The following NWD2 variants were observed in gnomAD, a reference collection of about 807,000 sequenced individuals.
NWD2 encodes NACHT and WD repeat domain containing 2.
A neutral mutation model predicts 132.7 loss-of-function variants in NWD2; 37 were observed. That is an observed-to-expected ratio of 0.28 (90% CI 0.21 to 0.37). The LOEUF is 0.37. NWD2 is among the 10% of genes least tolerant of loss of function. The probability of loss-of-function intolerance (pLI) is 1.00; values close to 1 mark genes in which losing one functional copy is unlikely to be tolerated. For synonymous variants in NWD2, 705 were observed against 803.0 expected (o/e 0.88, Z 2.06); for missense variants, 1,592 against 2,122.4 (o/e 0.75, Z 4.91).
chr4:37,264,044 G>A (rs1560379989), intron 1 of NWD2, among the ~76,000 whole-genome samples: 2 of 152,170 alleles, frequency 1.3e-5, no homozygotes, highest in Non-Finnish European at 2.9e-5. Context: ...AAGGTAGTTA[G>A]TAGCTGCTCC....
At chr4:37,419,867 G>T (rs1159423843) in intron 3 of NWD2, among the ~76,000 whole-genome samples, 1 of 152,090 alleles carries the variant, frequency 6.6e-6, no homozygotes, top group African/African-American at 2.4e-5. Context: ...AAAAATTGTT[G>T]AACTTCTTTG....
At chr4:37,417,248 G>A (rs577872232) in intron 3 of NWD2, among the ~76,000 whole-genome samples, 1 of 152,098 alleles carries the variant, frequency 6.6e-6, no homozygotes, top group South Asian at 2.1e-4. Flanking sequence ...ATATTCATCA[G>A]GAAAGAAATT....
intron 2 of NWD2, among the ~76,000 whole-genome samples, chr4:37,338,742 C>G (rs1719461565): frequency 6.6e-6 from 1 of 152,222 alleles, no homozygotes; most frequent in African/African-American, 2.4e-5. Flanking sequence ...TAACACCTTT[C>G]TTCCACCGTT....
intron 2 of NWD2, among the ~76,000 whole-genome samples, chr4:37,354,218 T>G (rs1029475031): frequency 6.6e-6 from 1 of 152,150 alleles, no homozygotes; most frequent in Non-Finnish European, 1.5e-5. Context: ...CTCTGGAAGC[T>G]TCATCCCAGA....
chr4:37,411,027 C>G (rs1167496758), intron 3 of NWD2, among the ~76,000 whole-genome samples: 9 of 152,020 alleles, frequency 5.9e-5, no homozygotes, highest in African/African-American at 1.7e-4. Context: ...CACTAAATGC[C>G]CACAAGAGAG....
intron 1 of NWD2, among the ~76,000 whole-genome samples, chr4:37,246,191 G>C (rs916899061): frequency 6.6e-6 from 1 of 152,200 alleles, no homozygotes; most frequent in Non-Finnish European, 1.5e-5. Context: ...AACAAGCCTT[G>C]AGTCGAAAAG....
intron 2 of NWD2, among the ~76,000 whole-genome samples, chr4:37,333,750 A>G (rs1719340647): frequency 6.6e-6 from 1 of 152,194 alleles, no homozygotes; most frequent in Non-Finnish European, 1.5e-5. Context: ...ACCAATCCTG[A>G]CAGGGATATT....
Position 37,259,371 on chromosome 4 carries a change from A to G in NWD2, c.151+14153A>G, listed in dbSNP as rs572793070. Among the ~76,000 whole-genome samples the G allele has an allele frequency of 2.0e-5, 3 of 152,332 alleles. No homozygotes were observed. The South Asian group carries it at 6.2e-4, about 32-fold the overall frequency. ...GACTTAAACTGCCTTATAAGCCAAT[A>G]TTGTGGTACAGTATTATTAGCATTT... On this transcript the variant is annotated intron_variant, in intron 1 of 6. Coordinates refer to ENST00000309447, the MANE Select transcript of NWD2 (RefSeq NM_001144990.2).
chr4:37,319,699 A>G (rs1472781032), intron 1 of NWD2, among the ~76,000 whole-genome samples: 1 of 152,216 alleles, frequency 6.6e-6, no homozygotes, highest in African/African-American at 2.4e-5. Context: ...ATGGCTAGAT[A>G]GCTATCCCAG....
intron 2 of NWD2, among the ~76,000 whole-genome samples, chr4:37,344,531 A>G (rs1719591820): frequency 6.6e-6 from 1 of 152,176 alleles, no homozygotes; most frequent in Non-Finnish European, 1.5e-5. Context: ...AACTATTACA[A>G]AAGACTTCCA....
At position 37,244,743 on chromosome 4, in the gene NWD2, A is replaced by C; in HGVS notation, c.-325A>C. The C allele has an allele frequency of 7.9e-6, 2 of 254,282 alleles. No individual in the cohort carries two copies. The highest frequency in any genetic ancestry group is 9.8e-5 in the South Asian group (1 of 10,218). The allele number at this position is 254,282 out of a possible 1,614,324, so 15.8% of individuals were successfully genotyped here. ...GATGGCCGCCGGCGCTTCCCGGCGC[A>C]AACGGGCGCTGCGCGCGTAGCCGCC... On this transcript the variant is annotated 5_prime_UTR_variant, in exon 1 of 7. Transcript: ENST00000309447. The surrounding 1 kb of genome is among the most constrained non-coding windows in gnomAD (Gnocchi z 5.5).
intron 1 of NWD2, among the ~76,000 whole-genome samples, chr4:37,253,810 A>C (rs560778923): frequency 6.6e-6 from 1 of 152,354 alleles, no homozygotes; most frequent in Admixed American, 6.5e-5. Context: ...TAATGGGCAA[A>C]TTAAAAAAGT....
intron 5 of NWD2, among the ~76,000 whole-genome samples, chr4:37,437,294 A>T (rs914698692): frequency 3.3e-5 from 5 of 152,072 alleles, no homozygotes; most frequent in Non-Finnish European, 5.9e-5. Flanking sequence ...CCGCTCACAG[A>T]TGGCTGTCTT....
At chr4:37,316,989 G>T (rs140786438) in intron 1 of NWD2, among the ~76,000 whole-genome samples, 4 of 152,286 alleles carry the variant, frequency 2.6e-5, no homozygotes, top group East Asian at 1.9e-4. Flanking sequence ...TCTCTTCACA[G>T]TTATTTAATT....
intron 3 of NWD2, among the ~76,000 whole-genome samples, chr4:37,388,342 C>T (rs889348120): frequency 1.3e-5 from 2 of 151,928 alleles, no homozygotes; most frequent in African/African-American, 4.8e-5. Context: ...AGCCACCATG[C>T]CTGGCTAATT....
At chr4:37,334,861 C>A (rs1319343886) in intron 2 of NWD2, among the ~76,000 whole-genome samples, 1 of 152,142 alleles carries the variant, frequency 6.6e-6, no homozygotes, top group Non-Finnish European at 1.5e-5. Flanking sequence ...TTACCTCTGA[C>A]ATCCATTAAA....
intron 6 of NWD2, among the ~76,000 whole-genome samples, chr4:37,441,471 T>C (rs1712482443): frequency 6.6e-6 from 1 of 152,202 alleles, no homozygotes; most frequent in Admixed American, 6.5e-5. Flanking sequence ...ATCGTTCAAT[T>C]TGACTAAGTC....
chr4:37,309,030 G>A (rs546363891), intron 1 of NWD2, among the ~76,000 whole-genome samples: 2 of 152,216 alleles, frequency 1.3e-5, no homozygotes, highest in East Asian at 3.9e-4. Context: ...GATTGCATGA[G>A]AGAGCACAGG....
intron 1 of NWD2, among the ~76,000 whole-genome samples, chr4:37,273,043 T>C (rs1717906210): frequency 1.3e-5 from 2 of 151,836 alleles, no homozygotes; most frequent in Admixed American, 1.3e-4. Context: ...GTCAGTTCAT[T>C]TTATCCTGAA....
Sources: allele counts gnomAD v4.1 joint callset (sites outside exome capture counted in the v4.1 genomes callset), GRCh38; gene constraint gnomAD v4.1.1; non-coding constraint Gnocchi (gnomAD v3.1); transcripts MANE v1.5; gene names NCBI Gene and HGNC (gene_info 2026-07-23, HGNC 2026-07-21).